PTPRD: variants seen among roughly 807,000 people sequenced by gnomAD.
PTPRD encodes protein tyrosine phosphatase receptor type D.
Under a neutral mutation model 214.5 loss-of-function variants are expected in PTPRD, and 34 were observed. That is an observed-to-expected ratio of 0.16 (90% CI 0.12 to 0.21). The LOEUF is 0.21. Among genes scored for constraint, PTPRD ranks in the 10% least tolerant of loss-of-function variants. The probability of loss-of-function intolerance (pLI) is 1.00; values close to 1 mark genes in which losing one functional copy is unlikely to be tolerated. For missense variants in PTPRD, 2,545 were observed against 2,398.7 expected, an observed-to-expected ratio of 1.06 and a Z score of -1.27; for synonymous variants, 1,128 against 845.7, an observed-to-expected ratio of 1.33 and a Z score of -5.79.
chr9:9,600,243 T>G (rs1194796789), intron 7 of PTPRD, among the ~76,000 whole-genome samples: 1 of 152,090 alleles, frequency 6.6e-6, no homozygotes, highest in African/African-American at 2.4e-5. Flanking sequence ...AACTTTGCAG[T>G]TGGAACTTAA....
At chr9:10,145,283 T>C (rs931912845) in intron 3 of PTPRD, among the ~76,000 whole-genome samples, 3 of 151,956 alleles carry the variant, frequency 2.0e-5, no homozygotes, top group African/African-American at 7.2e-5. Flanking sequence ...GTTTGTATTG[T>C]TGACCCTTTA....
intron 2 of PTPRD, among the ~76,000 whole-genome samples, chr9:10,596,332 CAT>C (rs2076621904): frequency 1.3e-5 from 2 of 151,590 alleles, no homozygotes; most frequent in Non-Finnish European, 3.0e-5. Context: ...TCTATAGTAA[CAT>C]ATATGTTATA....
In PTPRD at chr9:8,725,005, GTAGTT is replaced by G. The variant is rs1166755433; in HGVS notation, c.64+8770_64+8774del. Among the ~76,000 whole-genome samples, 5 of 152,226 alleles carry G rather than the reference GTAGTT, an allele frequency of 3.3e-5. No individual in the cohort carries two copies. In the East Asian group the frequency reaches 7.7e-4, roughly 24 times the overall value. Reference sequence around the variant, plus strand: ...AACTGGTAAAATCTAAATAACACATGTAGTTTAGTTAACAGTACTGTGCAAATGTT... The same window carrying G: ...AACTGGTAAAATCTAAATAACACATGTAGTTAACAGTACTGTGCAAATGTT... On this transcript the variant is annotated intron_variant, in intron 12 of 45. Coordinates refer to ENST00000381196, the MANE Select transcript of PTPRD (RefSeq NM_002839.4).
intron 3 of PTPRD, among the ~76,000 whole-genome samples, chr9:10,162,361 G>C (rs1334769703): frequency 6.6e-6 from 1 of 151,298 alleles, no homozygotes; most frequent in Non-Finnish European, 1.5e-5. Flanking sequence ...ATAATATTCA[G>C]CCATAAAAAG....
chr9:9,931,937 TA>T (rs2086798837), intron 5 of PTPRD, among the ~76,000 whole-genome samples: 1 of 151,674 alleles, frequency 6.6e-6, no homozygotes, highest in South Asian at 2.1e-4. Context: ...CCGAGCAGCC[TA>T]ACTGGGAGGC....
intron 14 of PTPRD, among the ~76,000 whole-genome samples, chr9:8,620,011 C>CA (rs1489510328): frequency 2.0e-5 from 3 of 152,016 alleles, no homozygotes; most frequent in African/African-American, 7.2e-5. Flanking sequence ...CCAGACACTG[C>CA]ACACAGACCC....
At chr9:10,539,056 G>A (rs1389263230) in intron 2 of PTPRD, among the ~76,000 whole-genome samples, 1 of 152,150 alleles carries the variant, frequency 6.6e-6, no homozygotes, top group African/African-American at 2.4e-5. Context: ...CCACATTAAT[G>A]CAAATGCTCC....
chr9:9,213,959 TTC>T (rs1554993884), intron 9 of PTPRD, among the ~76,000 whole-genome samples: 7 of 89,516 alleles, frequency 7.8e-5, no homozygotes, highest in African/African-American at 3.4e-4. Context: ...TATCTTCATC[TTC>T]TTTTTTTTCT....
At chr9:8,581,917 A>C (rs2093175128) in intron 14 of PTPRD, among the ~76,000 whole-genome samples, 1 of 109,024 alleles carries the variant, frequency 9.2e-6, no homozygotes, top group Admixed American at 8.4e-5. Flanking sequence ...AATCTCCAAA[A>C]AAAAAAAAAA....
At chr9:9,267,628 C>G (rs10816078) in intron 9 of PTPRD, among the ~76,000 whole-genome samples, 19,532 of 151,028 alleles carry the variant, frequency 0.13, 1,457 homozygotes, top group Non-Finnish European at 0.17. Flanking sequence ...AAAAAATTCT[C>G]AAAAATTACC....
In PTPRD at chr9:10,271,534, C is replaced by CTTTTT. The variant is rs1251429330; in HGVS notation, c.-545+69428_-545+69429insAAAAA. Among the ~76,000 whole-genome samples the CTTTTT allele has an allele frequency of 9.2e-5, 8 of 86,564 alleles. 2 individuals are homozygous for CTTTTT. Among genetic ancestry groups the CTTTTT allele is most frequent in the South Asian group, 3.9e-4 (1 of 2,570 alleles). 56.8% of individuals were successfully genotyped at this position (86,564 alleles called of 152,430 possible). A position where few individuals can be genotyped will look rare whatever the true frequency, so the allele number is the denominator to read the frequency against. Reference sequence around the variant, plus strand: ...CCAATACTGATAAATTCAATTGTTTCTTTTCTTTTCTTTTCTTTTTTTTTT... The same window carrying CTTTTT: ...CCAATACTGATAAATTCAATTGTTTCTTTTTTTTTCTTTTCTTTTCTTTTTTTTTT... On this transcript the variant is annotated intron_variant, in intron 3 of 45. Coordinates refer to ENST00000381196, the MANE Select transcript of PTPRD (RefSeq NM_002839.4).
At chr9:8,528,185 A>C in intron 15 of PTPRD, 2 of 390,228 alleles carry the variant, frequency 5.1e-6, no homozygotes, top group Non-Finnish European at 9.0e-6. Context: ...TTATTTTTTA[A>C]TGGATACAAC....
intron 5 of PTPRD, among the ~76,000 whole-genome samples, chr9:9,933,571 C>G (rs1201179538): frequency 6.6e-6 from 1 of 151,558 alleles, no homozygotes; most frequent in Non-Finnish European, 1.5e-5. Flanking sequence ...CACCCAGATT[C>G]ATAAAGCAAG....
At position 9,026,398 on chromosome 9, in the gene PTPRD, T is replaced by C. The variant is rs576307317; in HGVS notation, c.-142-7663A>G. Among the ~76,000 whole-genome samples the C allele has an allele frequency of 7.8e-4, 118 of 151,978 alleles. 1 individual carries two copies. Among genetic ancestry groups the C allele is most frequent in the African/African-American group, 2.6e-3 (109 of 41,504 alleles). ...TTTGTAAGTCATGGTAAGTTGACCA[T>C]AGTAAGGTAACAGAGAGCTACCATG... On this transcript the variant is annotated intron_variant, in intron 10 of 45. Transcript: ENST00000381196.
intron 14 of PTPRD, among the ~76,000 whole-genome samples, chr9:8,581,538 GGAT>G (rs1270388410): frequency 6.7e-6 from 1 of 148,794 alleles, no homozygotes; most frequent in Admixed American, 6.7e-5. Flanking sequence ...CACGAGGTCA[GGAT>G]ATTGAGACCA....
intron 2 of PTPRD, among the ~76,000 whole-genome samples, chr9:10,372,673 A>G (rs1449821380): frequency 6.6e-6 from 1 of 151,934 alleles, no homozygotes; most frequent in Non-Finnish European, 1.5e-5. Flanking sequence ...GTACATAGTG[A>G]GTATGTTACA....
At position 10,393,993 on chromosome 9, in the gene PTPRD, G is replaced by A. The variant is rs150311186; in HGVS notation, c.-599-52976C>T. ...CAGCTGTGACCAGATGTAGTTCCAGGCCTCATGGAATTTACATTACAGAAG... is the reference window on the plus strand; with the variant it reads ...CAGCTGTGACCAGATGTAGTTCCAGACCTCATGGAATTTACATTACAGAAG... On this transcript the variant is annotated intron_variant, in intron 2 of 45. Transcript: ENST00000381196. Among the ~76,000 whole-genome samples the A allele has an allele frequency of 8.1e-3, 1,194 of 146,812 alleles. 9 individuals are homozygous for A. The highest frequency in any genetic ancestry group is 0.011 in the Non-Finnish European group (748 of 67,004).
intron 12 of PTPRD, among the ~76,000 whole-genome samples, chr9:8,653,791 C>G (rs369457240): frequency 1.3e-5 from 2 of 152,170 alleles, no homozygotes; most frequent in Non-Finnish European, 2.9e-5. Flanking sequence ...AAGTCACATC[C>G]TATTCACTGT....
At chr9:10,343,251 G>C (rs934433011) in intron 2 of PTPRD, among the ~76,000 whole-genome samples, 6 of 151,876 alleles carry the variant, frequency 4.0e-5, no homozygotes, top group African/African-American at 1.5e-4. Context: ...TCCTGTGTTA[G>C]TTTGCTGAGA....
Sources: allele counts gnomAD v4.1 joint callset (sites outside exome capture counted in the v4.1 genomes callset), GRCh38; gene constraint gnomAD v4.1.1; transcripts MANE v1.5; gene names NCBI Gene and HGNC (gene_info 2026-07-23, HGNC 2026-07-21).